SORCS3: variants seen among roughly 807,000 people sequenced by gnomAD.
SORCS3 encodes sortilin related VPS10 domain containing receptor 3, also known as VPS10 domain-containing receptor SorCS3.
SORCS3 carries 57 observed loss-of-function variants against 146.3 expected under a neutral mutation model. The observed-to-expected ratio is 0.39, with a 90% CI of 0.31 to 0.49. The LOEUF is 0.49. SORCS3 is among the 20% of genes least tolerant of loss of function. The pLI is 0.92. For synonymous variants in SORCS3, 653 were observed against 618.5 expected (o/e 1.06, Z -0.83); for missense variants, 1,341 against 1,575.5 (o/e 0.85, Z 2.52).
In SORCS3 at chr10:104,641,490, GC is replaced by G; in HGVS notation, c.164del (p.Ala55GlyfsTer114). On this transcript the variant is annotated frameshift_variant, in exon 1 of 27. Coordinates refer to ENST00000369701, the MANE Select transcript of SORCS3 (RefSeq NM_014978.3). LOFTEE classifies it high-confidence loss of function. The surrounding 1 kb of genome is among the most constrained non-coding windows in gnomAD (Gnocchi z 6.4). ...GGCGGCCCCGGCTTCGCGGCCACCG[GC>G]GTTGTCTCCACTCTCGCCGCGGGCA... is the stretch of plus-strand genomic sequence containing the variant. Reference protein sequence around the residue: ...RPAAPASRPPALSPLSPRAVA... With the variant: ...RPAAPASRPPXLSPLSPRAVA... 6.8e-7 allele frequency: 1 copy of G among 1,471,476 alleles called. No individual in the cohort carries two copies. The highest frequency in any genetic ancestry group is 8.9e-7 in the Non-Finnish European group (1 of 1,119,404). 91.2% of individuals were successfully genotyped at this position (1,471,476 alleles called of 1,614,324 possible).
intron 7 of SORCS3, among the ~76,000 whole-genome samples, chr10:105,108,837 A>G (rs1293210235): frequency 1.3e-5 from 2 of 152,248 alleles, no homozygotes; most frequent in African/African-American, 4.8e-5. Context: ...AGACAACTAC[A>G]TACAGTGTAG....
intron 1 of SORCS3, among the ~76,000 whole-genome samples, chr10:104,815,749 A>G (rs1426671027): frequency 6.6e-6 from 1 of 152,206 alleles, no homozygotes. Flanking sequence ...ACTTTATAAG[A>G]TATAATCTCA....
rs181684188 is a variant in SORCS3, at chr10:105,147,060, A to G, written c.1303-557A>G. ...CCTTACCTTTTGCTCCTAAAATATT[A>G]CACAGAATTCCACTGTATACAACAG... On this transcript the variant is annotated intron_variant, in intron 8 of 26. Transcript: ENST00000369701. Among the ~76,000 whole-genome samples the G allele has an allele frequency of 6.3e-3, 945 of 150,526 alleles. 16 individuals carry two copies. The highest frequency in any genetic ancestry group is 0.022 in the African/African-American group (900 of 41,178).
chr10:104,881,719 A>C (rs556762529), intron 2 of SORCS3, among the ~76,000 whole-genome samples: 29 of 152,200 alleles, frequency 1.9e-4, no homozygotes, highest in Non-Finnish European at 4.0e-4. Flanking sequence ...TGATTGAAGA[A>C]GTGTGTAGTA....
intron 2 of SORCS3, among the ~76,000 whole-genome samples, chr10:104,889,434 T>A (rs1468444992): frequency 6.7e-6 from 1 of 149,478 alleles, no homozygotes; most frequent in African/African-American, 2.5e-5. Context: ...TTTGTTCCAT[T>A]TTCCCTCCTT....
At chr10:105,086,314 C>CA in intron 5 of SORCS3, among the ~76,000 whole-genome samples, 1 of 152,138 alleles carries the variant, frequency 6.6e-6, no homozygotes, top group East Asian at 1.9e-4. Context: ...TGAGCAGACC[C>CA]AAACCACAGG....
At chr10:105,213,777 A>G (rs1262421590) in intron 17 of SORCS3, among the ~76,000 whole-genome samples, 3 of 152,144 alleles carry the variant, frequency 2.0e-5, no homozygotes, top group African/African-American at 7.2e-5. Flanking sequence ...AATTTTACAT[A>G]GTGGGATAGT....
chr10:105,003,268 A>G (rs1475256082), intron 4 of SORCS3, among the ~76,000 whole-genome samples: 3 of 152,180 alleles, frequency 2.0e-5, no homozygotes, highest in African/African-American at 7.2e-5. Flanking sequence ...GAGAAACTCT[A>G]CTTTTTATTC....
At chr10:105,013,982 GAC>G (rs71952036) in intron 4 of SORCS3, among the ~76,000 whole-genome samples, 37,603 of 144,478 alleles carry the variant, frequency 0.26, 5,477 homozygotes, top group African/African-American at 0.42. Context: ...CAGACACACA[GAC>G]ACACACACAC....
chr10:104,796,015 T>G (rs1417323891), intron 1 of SORCS3, among the ~76,000 whole-genome samples: 2 of 152,224 alleles, frequency 1.3e-5, no homozygotes, highest in Non-Finnish European at 2.9e-5. Flanking sequence ...CTTCCTGAGC[T>G]GTCATGTGTC....
intron 3 of SORCS3, among the ~76,000 whole-genome samples, chr10:104,927,873 G>A (rs963934753): frequency 1.1e-4 from 15 of 134,506 alleles, no homozygotes; most frequent in Non-Finnish European, 2.1e-4. Context: ...GCAAGACTCC[G>A]TCTGAAAAAA....
At chr10:105,232,330 A>G (rs1179046868) in intron 20 of SORCS3, among the ~76,000 whole-genome samples, 1 of 152,104 alleles carries the variant, frequency 6.6e-6, no homozygotes, top group Non-Finnish European at 1.5e-5. Context: ...TGGCCATAGA[A>G]GTGTTTATCA....
At chr10:105,039,885 C>T (rs2133702143) in intron 4 of SORCS3, among the ~76,000 whole-genome samples, 1 of 152,260 alleles carries the variant, frequency 6.6e-6, no homozygotes, top group South Asian at 2.1e-4. Flanking sequence ...AGGATGGAGA[C>T]TCTAACAGTG....
chr10:104,831,809 A>C (rs1332070156), intron 1 of SORCS3, among the ~76,000 whole-genome samples: 1 of 151,940 alleles, frequency 6.6e-6, no homozygotes, highest in Non-Finnish European at 1.5e-5. Context: ...ACAGTCAAGC[A>C]CTCTGATTTT....
chr10:105,037,651 T>C (rs557324710), intron 4 of SORCS3, among the ~76,000 whole-genome samples: 1 of 152,208 alleles, frequency 6.6e-6, no homozygotes, highest in African/African-American at 2.4e-5. Context: ...TTTCTCCTTA[T>C]GAGAACACCA....
At chr10:105,239,548 T>G (rs1283864587) in intron 20 of SORCS3, among the ~76,000 whole-genome samples, 1 of 152,172 alleles carries the variant, frequency 6.6e-6, no homozygotes, top group Non-Finnish European at 1.5e-5. Flanking sequence ...GGATAATATG[T>G]GACCTGTCGC....
intron 1 of SORCS3, among the ~76,000 whole-genome samples, chr10:104,841,931 G>A (rs1388298699): frequency 4.6e-5 from 7 of 152,174 alleles, no homozygotes; most frequent in Admixed American, 2.0e-4. Context: ...TCAGGTGCAC[G>A]CACTTAGCAT....
At chr10:105,003,010 T>A (rs1234727733) in intron 4 of SORCS3, among the ~76,000 whole-genome samples, 1 of 152,176 alleles carries the variant, frequency 6.6e-6, no homozygotes, top group Non-Finnish European at 1.5e-5. Flanking sequence ...TTCATAGATA[T>A]AAATGCAGGC....
intron 19 of SORCS3, 109 bp from the exon 20 acceptor site, chr10:105,223,007 C>T: frequency 8.1e-7 from 1 of 1,231,760 alleles, no homozygotes; most frequent in South Asian, 1.8e-5. Context: ...GTGACCCTTC[C>T]TTTTTTACAG....
Sources: allele counts gnomAD v4.1 joint callset (sites outside exome capture counted in the v4.1 genomes callset), GRCh38; gene constraint gnomAD v4.1.1; non-coding constraint Gnocchi (gnomAD v3.1); transcripts MANE v1.5; gene names NCBI Gene and HGNC (gene_info 2026-07-23, HGNC 2026-07-21).